PHF14: variants seen among roughly 807,000 people sequenced by gnomAD.
PHF14 encodes PHD finger protein 14.
In PHF14, 55 loss-of-function variants were observed where a neutral mutation model predicts 117.9. The observed-to-expected ratio is 0.47, with a 90% CI of 0.38 to 0.58. The LOEUF (loss-of-function observed/expected upper bound fraction) is 0.58. Among genes scored for constraint, PHF14 ranks in the 20% least tolerant of loss-of-function variants. PHF14 has a pLI of 0.00. For missense variants in PHF14, 978 were observed against 1,122.2 expected, an observed-to-expected ratio of 0.87 and a Z score of 1.84; for synonymous variants, 409 against 368.6, an observed-to-expected ratio of 1.11 and a Z score of -1.26.
At chr7:11,090,122 T>G (rs1262901320) in intron 16 of PHF14, among the ~76,000 whole-genome samples, 1 of 152,204 alleles carries the variant, frequency 6.6e-6, no homozygotes, top group Non-Finnish European at 1.5e-5. Context: ...ATACTTAAGA[T>G]TATGCATGAA....
At chr7:11,094,949 G>T (rs1428734204) in intron 16 of PHF14, among the ~76,000 whole-genome samples, 1 of 152,036 alleles carries the variant, frequency 6.6e-6, no homozygotes, top group Non-Finnish European at 1.5e-5. Context: ...AGGATAGAAG[G>T]AGTGTTATTT....
chr7:11,147,973 C>G (rs1314969218), intron 17 of PHF14, among the ~76,000 whole-genome samples: 1 of 152,128 alleles, frequency 6.6e-6, no homozygotes, highest in Non-Finnish European at 1.5e-5. Context: ...TTACTTCTCC[C>G]ACAGTCTTTC....
At position 11,104,719 on chromosome 7, in the gene PHF14, A is replaced by C. The variant is rs956021362; in HGVS notation, c.2655-6631A>C. 6.9e-6 allele frequency: 5 copies of C among 729,726 alleles called. No homozygotes were observed. In the East Asian group the frequency reaches 6.6e-4, roughly 96 times the overall value. 45.2% of individuals were successfully genotyped at this position (729,726 alleles called of 1,614,324 possible). ...TTGTAAAAACACAGGTGACTACCCT[A>C]TTCCTCTCCTGGATCTGCCCTCTGC... On this transcript the variant is annotated intron_variant, in intron 16 of 17. Coordinates refer to ENST00000634607, the MANE Select transcript of PHF14 (RefSeq NM_001007157.2).
intron 4 of PHF14, among the ~76,000 whole-genome samples, chr7:10,996,582 C>T (rs1040285312): frequency 2.6e-5 from 4 of 151,556 alleles, no homozygotes; most frequent in Non-Finnish European, 4.4e-5. Flanking sequence ...GCAAGCTATC[C>T]CAGAGGTTAT....
chr7:11,138,026 C>G (rs921915894), intron 17 of PHF14, among the ~76,000 whole-genome samples: 21 of 148,038 alleles, frequency 1.4e-4, no homozygotes, highest in African/African-American at 5.0e-4. Context: ...CATGAGGAAA[C>G]AGGGAAAAAT....
At chr7:11,162,935 CA>C (rs1397859375) in intron 17 of PHF14, among the ~76,000 whole-genome samples, 2 of 152,120 alleles carry the variant, frequency 1.3e-5, no homozygotes, top group Non-Finnish European at 2.9e-5. Context: ...GCTCCAGAAT[CA>C]TGAATTGGAG....
intron 16 of PHF14, among the ~76,000 whole-genome samples, chr7:11,078,775 C>T (rs2128335648): frequency 6.6e-6 from 1 of 152,142 alleles, no homozygotes; most frequent in East Asian, 1.9e-4. Flanking sequence ...AACGCAGTCA[C>T]TTTTCATTTA....
At chr7:11,038,372 A>T (rs1020059495) in intron 10 of PHF14, among the ~76,000 whole-genome samples, 1 of 150,452 alleles carries the variant, frequency 6.6e-6, no homozygotes, top group Non-Finnish European at 1.5e-5. Flanking sequence ...TGGTGGTTGC[A>T]GTGACACAAG....
chr7:11,037,624 G>A (rs117044467), intron 10 of PHF14, among the ~76,000 whole-genome samples: 2,980 of 152,152 alleles, frequency 0.02, 39 homozygotes, highest in Middle Eastern at 0.044. Context: ...GAATTTTCAT[G>A]TACCTCTTCA....
chr7:11,139,395 T>G (rs1385610099), intron 17 of PHF14, among the ~76,000 whole-genome samples: 3 of 152,176 alleles, frequency 2.0e-5, no homozygotes, highest in African/African-American at 7.2e-5. Context: ...GTCATTTGCA[T>G]TATATAAGAA....
intron 14 of PHF14, among the ~76,000 whole-genome samples, chr7:11,057,227 C>G (rs1785049992): frequency 6.6e-6 from 1 of 152,072 alleles, no homozygotes; most frequent in Non-Finnish European, 1.5e-5. Context: ...CCAAATGAAT[C>G]ATGCATTTGA....
At chr7:11,140,002 T>C (rs1404253528) in intron 17 of PHF14, among the ~76,000 whole-genome samples, 2 of 152,146 alleles carry the variant, frequency 1.3e-5, no homozygotes. Flanking sequence ...GGTCTTTGAC[T>C]AGAACTCACA....
At chr7:11,054,103 A>T (rs1396628970) in intron 14 of PHF14, among the ~76,000 whole-genome samples, 8 of 151,912 alleles carry the variant, frequency 5.3e-5, no homozygotes, top group Admixed American at 5.2e-4. Flanking sequence ...TCAAAAAAGC[A>T]TTTTTTAAGA....
intron 16 of PHF14, chr7:11,104,057 A>G: frequency 1.0e-6 from 1 of 984,866 alleles, no homozygotes; most frequent in Non-Finnish European, 1.2e-6. Flanking sequence ...ATACTAATCC[A>G]TTAGACCATG....
chr7:11,049,448 C>T (rs1195640602), intron 13 of PHF14, among the ~76,000 whole-genome samples: 2 of 148,652 alleles, frequency 1.3e-5, no homozygotes, highest in African/African-American at 5.0e-5. Context: ...GGACTCCAGC[C>T]TGGGCGACTT....
At chr7:11,127,289 G>A (rs1424633206) in intron 17 of PHF14, among the ~76,000 whole-genome samples, 5 of 150,042 alleles carry the variant, frequency 3.3e-5, no homozygotes, top group Non-Finnish European at 5.9e-5. Context: ...ATGTAGAGGT[G>A]CCTTGATATG....
intron 4 of PHF14, among the ~76,000 whole-genome samples, chr7:10,992,256 GT>G (rs888934660): frequency 5.3e-5 from 8 of 150,624 alleles, no homozygotes; most frequent in African/African-American, 1.9e-4. Flanking sequence ...GTTTCACCAT[GT>G]TGGCCAGGCT....
At chr7:11,159,188 A>T (rs1456709647) in intron 17 of PHF14, among the ~76,000 whole-genome samples, 2 of 151,906 alleles carry the variant, frequency 1.3e-5, no homozygotes, top group Non-Finnish European at 1.5e-5. Flanking sequence ...TCATTTTTTG[A>T]ATATCTGTTA....
In PHF14 at chr7:11,062,030, T is replaced by G. The variant is rs1407774746; in HGVS notation, c.2599T>G (p.Leu867Val). The change falls in exon 16 of 18, where the codon TTA becomes GTA. Residue 867 changes from leucine to valine, a missense_variant. Physicochemically the swap from Leu to Val is conservative, Grantham distance 32. Around this residue, in one of 7 missense-constraint regions of PHF14, gnomAD observed 180 missense variants for 195.4 expected, o/e 0.92. Transcript: ENST00000634607. ...GCAAAAGAAGCCCAAGGCTGAAGAT[T>G]TAAGAACTGAATGTGCAACTTGCAA... ...VLQKKPKAED[L>V]RTECATCKGT... 5 of 1,606,972 alleles carry G rather than the reference T, an allele frequency of 3.1e-6. No homozygotes were observed. The highest frequency in any genetic ancestry group is 4.3e-6 in the Non-Finnish European group (5 of 1,176,230).
Sources: gnomAD v4.1 joint callset for allele counts (sites outside exome capture counted in the v4.1 genomes callset) on GRCh38, gnomAD v4.1.1 for gene constraint, gnomAD v4.1.1 regional missense constraint, MANE v1.5 for transcripts, NCBI Gene and HGNC (gene_info 2026-07-23, HGNC 2026-07-21) for gene names.